The following CAMTA1 variants were observed in gnomAD, a reference collection of about 807,000 sequenced individuals.
The protein encoded by CAMTA1 is calmodulin-binding transcription activator 1.
In CAMTA1, 27 loss-of-function variants were observed where a neutral mutation model predicts 170.9. The ratio of observed to expected loss-of-function variants is 0.16; its 90% confidence interval spans 0.12 to 0.22. CAMTA1 has a LOEUF of 0.22. Among genes scored for constraint, CAMTA1 ranks in the 10% least tolerant of loss-of-function variants. CAMTA1 has a pLI of 1.00. For missense variants in CAMTA1, 1,619 were observed against 2,217.2 expected (o/e 0.73, Z 5.42); for synonymous variants, 833 against 891.5 (o/e 0.93, Z 1.17).
At chr1:7,472,220 T>C (rs982612938) in intron 6 of CAMTA1, among the ~76,000 whole-genome samples, 4 of 152,218 alleles carry the variant, frequency 2.6e-5, no homozygotes, top group African/African-American at 7.2e-5. Flanking sequence ...CCTGGGGCCT[T>C]AGGAGACCAC....
At chr1:7,689,299 C>T (rs1020303462) in intron 11 of CAMTA1, among the ~76,000 whole-genome samples, 2 of 149,048 alleles carry the variant, frequency 1.3e-5, no homozygotes, top group Non-Finnish European at 1.5e-5. Context: ...GCAAGCCAGG[C>T]GCGGTGGCTC....
chr1:6,892,265 A>G (rs1674661756), intron 3 of CAMTA1, among the ~76,000 whole-genome samples: 1 of 152,166 alleles, frequency 6.6e-6, no homozygotes, highest in South Asian at 2.1e-4. Flanking sequence ...GAAATCCCAG[A>G]TTGGGCGGGT....
intron 6 of CAMTA1, among the ~76,000 whole-genome samples, chr1:7,498,268 G>A (rs981249083): frequency 1.7e-4 from 25 of 149,812 alleles, no homozygotes; most frequent in East Asian, 6.0e-4. Context: ...ATGAGAGAGC[G>A]TGTGTGAGTG....
At chr1:7,186,546 C>G (rs919774464) in intron 4 of CAMTA1, among the ~76,000 whole-genome samples, 2 of 152,106 alleles carry the variant, frequency 1.3e-5, no homozygotes, top group Non-Finnish European at 2.9e-5. Flanking sequence ...TGGCAAAAGC[C>G]CTGATCTGAG....
chr1:7,630,394 G>A (rs1021838537), intron 6 of CAMTA1, among the ~76,000 whole-genome samples: 2 of 152,192 alleles, frequency 1.3e-5, no homozygotes, highest in African/African-American at 2.4e-5. Context: ...CACCATAAAT[G>A]TGTTTTTCCT....
chr1:7,133,066 T>TA (rs1558147238), intron 4 of CAMTA1, among the ~76,000 whole-genome samples: 1 of 152,212 alleles, frequency 6.6e-6, no homozygotes, highest in Non-Finnish European at 1.5e-5. Flanking sequence ...TATAACATCT[T>TA]AGTCTGGTTT....
intron 11 of CAMTA1, among the ~76,000 whole-genome samples, chr1:7,722,821 G>T (rs976917891): frequency 1.3e-5 from 2 of 152,058 alleles, no homozygotes; most frequent in African/African-American, 2.4e-5. Context: ...GGTGGCTCAT[G>T]CCTGTAATTG....
intron 6 of CAMTA1, among the ~76,000 whole-genome samples, chr1:7,612,624 C>T (rs1034084566): frequency 6.6e-6 from 1 of 152,206 alleles, no homozygotes; most frequent in Admixed American, 6.5e-5. Context: ...TGCCTCCTGT[C>T]CGTATCACCA....
At chr1:6,893,365 G>T (rs1235284023) in intron 3 of CAMTA1, among the ~76,000 whole-genome samples, 1 of 152,154 alleles carries the variant, frequency 6.6e-6, no homozygotes, top group Non-Finnish European at 1.5e-5. Context: ...GGCTTTCCTA[G>T]GAGCCTCTTT....
intron 5 of CAMTA1, among the ~76,000 whole-genome samples, chr1:7,467,446 C>T (rs1038456073): frequency 2.0e-5 from 3 of 152,304 alleles, no homozygotes; most frequent in African/African-American, 7.2e-5. Context: ...TCAGCCATTC[C>T]CTGTACCCCA....
intron 5 of CAMTA1, among the ~76,000 whole-genome samples, chr1:7,446,027 T>C (rs1186232403): frequency 6.6e-6 from 1 of 151,836 alleles, no homozygotes; most frequent in Non-Finnish European, 1.5e-5. Flanking sequence ...AACAGGGGAG[T>C]TGGGCTGGTG....
intron 6 of CAMTA1, among the ~76,000 whole-genome samples, chr1:7,513,311 G>A (rs1557847309): frequency 6.6e-6 from 1 of 152,182 alleles, no homozygotes; most frequent in Non-Finnish European, 1.5e-5. Context: ...GCAGCTGGGT[G>A]GGGTCAGGAG....
intron 3 of CAMTA1, among the ~76,000 whole-genome samples, chr1:6,966,776 A>G (rs1483975879): frequency 1.3e-5 from 2 of 151,380 alleles, no homozygotes; most frequent in Non-Finnish European, 2.9e-5. Flanking sequence ...ATGCCCAGAT[A>G]ATTTTTTTGT....
intron 3 of CAMTA1, among the ~76,000 whole-genome samples, chr1:6,998,573 T>G (rs1697691346): frequency 6.6e-6 from 1 of 152,204 alleles, no homozygotes; most frequent in African/African-American, 2.4e-5. Context: ...TCTTTGAGAA[T>G]CCACTCCCCA....
rs1436178165 is a variant in CAMTA1, at chr1:7,548,708, CCCA to C, written c.510+80808_510+80810del. Among the ~76,000 whole-genome samples the C allele has an allele frequency of 4.1e-3, 396 of 95,742 alleles. 1 individual carries two copies. The highest frequency in any genetic ancestry group is 8.0e-3 in the East Asian group (19 of 2,388). 62.8% of individuals were successfully genotyped at this position (95,742 alleles called of 152,430 possible). A position where few individuals can be genotyped will look rare whatever the true frequency, so the allele number is the denominator to read the frequency against. ...AGGTGCCCCCTTAGGGGTGGAGGTGCCCATGGAGGGTGCCTCCTTAGGGGTGGA... is the reference window on the plus strand; with the variant it reads ...AGGTGCCCCCTTAGGGGTGGAGGTGCTGGAGGGTGCCTCCTTAGGGGTGGA... On this transcript the variant is annotated intron_variant, in intron 6 of 22. Transcript: ENST00000303635.
intron 4 of CAMTA1, among the ~76,000 whole-genome samples, chr1:7,175,784 G>T (rs555337665): frequency 1.3e-5 from 2 of 152,384 alleles, no homozygotes; most frequent in East Asian, 3.9e-4. Flanking sequence ...AGCAGAGCAG[G>T]TGCCCTTGTC....
intron 3 of CAMTA1, among the ~76,000 whole-genome samples, chr1:6,825,498 G>C (rs1647001929): frequency 6.6e-6 from 1 of 152,116 alleles, no homozygotes; most frequent in African/African-American, 2.4e-5. Context: ...GCATTTAGTG[G>C]TTAACCCTGC....
rs573953537 is a variant in CAMTA1 at position 7,209,675 on chromosome 1, T to G, written c.303-39816T>G. On this transcript the variant is annotated intron_variant, in intron 4 of 22. Coordinates refer to ENST00000303635, the MANE Select transcript of CAMTA1 (RefSeq NM_015215.4). Reference sequence around the variant, plus strand: ...CGCAGTGGTTGGTAAGCTCCTGGTTTACCTTGAATGTTGACACTCCAGGGA... The same window carrying G: ...CGCAGTGGTTGGTAAGCTCCTGGTTGACCTTGAATGTTGACACTCCAGGGA... Among the ~76,000 whole-genome samples, 5 of 152,314 alleles carry G rather than the reference T, an allele frequency of 3.3e-5. No individual in the cohort carries two copies. The South Asian group carries it at 1.0e-3, about 32-fold the overall frequency.
At chr1:6,926,421 TTC>T (rs150954731) in intron 3 of CAMTA1, among the ~76,000 whole-genome samples, 3,463 of 146,598 alleles carry the variant, frequency 0.024, 67 homozygotes, top group Middle Eastern at 0.042. Context: ...CTCTTTTCTT[TTC>T]TCTTTCTTTC....
Sources: allele counts gnomAD v4.1 joint callset (sites outside exome capture counted in the v4.1 genomes callset), GRCh38; gene constraint gnomAD v4.1.1; transcripts MANE v1.5; gene names NCBI Gene and HGNC (gene_info 2026-07-23, HGNC 2026-07-21).